LRP1B: variants seen among roughly 807,000 people sequenced by gnomAD.
The protein encoded by LRP1B is LDL receptor related protein 1B.
LRP1B carries 217 observed loss-of-function variants against 556.6 expected under a neutral mutation model. That is an observed-to-expected ratio of 0.39 (90% confidence interval 0.35 to 0.44). The LOEUF is 0.44. Among genes scored for constraint, LRP1B ranks in the 20% least tolerant of loss-of-function variants. The pLI is 1.00. For synonymous variants in LRP1B, 2,047 were observed against 1,865.8 expected (o/e 1.10, Z -2.50); for missense variants, 5,053 against 5,620.8 (o/e 0.90, Z 3.23).
intron 3 of LRP1B, among the ~76,000 whole-genome samples, chr2:141,456,682 C>T (rs1021941373): frequency 1.3e-5 from 2 of 152,134 alleles, no homozygotes; most frequent in Non-Finnish European, 2.9e-5. Context: ...AGAAATCTTC[C>T]TAGAGTTAAA....
At chr2:141,352,692 T>A (rs1023050069) in intron 3 of LRP1B, among the ~76,000 whole-genome samples, 1 of 151,968 alleles carries the variant, frequency 6.6e-6, no homozygotes, top group South Asian at 2.1e-4. Flanking sequence ...TATAAGATAA[T>A]GATTGTTACA....
intron 14 of LRP1B, among the ~76,000 whole-genome samples, chr2:141,007,479 A>C (rs1036098538): frequency 6.7e-6 from 1 of 150,222 alleles, no homozygotes; most frequent in African/African-American, 2.4e-5. Context: ...GAGGGTAATT[A>C]AGCCTAATAC....
At chr2:140,370,897 T>C in intron 70 of LRP1B, 55 bp from the exon 71 acceptor site, 2 of 1,579,902 alleles carry the variant, frequency 1.3e-6, no homozygotes, top group African/African-American at 1.3e-5. Flanking sequence ...GATACAATCA[T>C]GGGCAAAATA....
At chr2:140,657,792 C>A (rs998587778) in intron 41 of LRP1B, among the ~76,000 whole-genome samples, 1 of 151,370 alleles carries the variant, frequency 6.6e-6, no homozygotes, top group Non-Finnish European at 1.5e-5. Context: ...AACAAAAGAG[C>A]CTTTATCTCT....
intron 35 of LRP1B, among the ~76,000 whole-genome samples, chr2:140,719,589 G>C (rs562925995): frequency 4.0e-5 from 6 of 151,874 alleles, no homozygotes; most frequent in Non-Finnish European, 8.8e-5. Flanking sequence ...CCTAGAACTA[G>C]ACCATTAAAT....
chr2:140,720,013 AG>A (rs1687346153), intron 35 of LRP1B, among the ~76,000 whole-genome samples: 2 of 152,106 alleles, frequency 1.3e-5, no homozygotes, highest in East Asian at 3.8e-4. Flanking sequence ...GAAAAGAATC[AG>A]GTTGAAGGAG....
intron 41 of LRP1B, among the ~76,000 whole-genome samples, chr2:140,682,964 T>A (rs1029422805): frequency 1.3e-5 from 2 of 152,136 alleles, no homozygotes; most frequent in African/African-American, 4.8e-5. Flanking sequence ...ATATGCAAAT[T>A]ACACAGAAAG....
At chr2:141,844,863 A>G (rs979969521) in intron 1 of LRP1B, among the ~76,000 whole-genome samples, 2 of 151,856 alleles carry the variant, frequency 1.3e-5, no homozygotes, top group Non-Finnish European at 2.9e-5. Flanking sequence ...AGCATTGTCT[A>G]AAAGCATTTG....
chr2:141,529,015 T>C (rs934094129), intron 2 of LRP1B, among the ~76,000 whole-genome samples: 2 of 152,208 alleles, frequency 1.3e-5, no homozygotes, highest in Non-Finnish European at 2.9e-5. Flanking sequence ...TATAATGTTT[T>C]ACATTCTGTG....
Position 140,777,417 on chromosome 2 carries a change from G to A in LRP1B, c.5360-1179C>T, listed in dbSNP as rs561685547. Among the ~76,000 whole-genome samples, 3 of 152,244 alleles carry A rather than the reference G, an allele frequency of 2.0e-5. No individual in the cohort carries two copies. The East Asian group carries it at 5.8e-4, about 29-fold the overall frequency. ...GTTCTCTTCATTCTAGCATTCATGG[G>A]AATCAAATCCTGGCCCCCAGGTCCC... On this transcript the variant is annotated intron_variant, in intron 32 of 90. Coordinates refer to ENST00000389484, the MANE Select transcript of LRP1B (RefSeq NM_018557.3).
At chr2:140,936,113 G>C (rs1324502188) in intron 20 of LRP1B, among the ~76,000 whole-genome samples, 1 of 151,572 alleles carries the variant, frequency 6.6e-6, no homozygotes, top group Non-Finnish European at 1.5e-5. Context: ...GCAGTGATGG[G>C]CAGATCACTT....
intron 1 of LRP1B, among the ~76,000 whole-genome samples, chr2:141,957,935 G>C (rs1574530707): frequency 1.3e-5 from 2 of 151,982 alleles, no homozygotes; most frequent in Non-Finnish European, 2.9e-5. Flanking sequence ...AGAGAAACCT[G>C]ATAATGCTCT....
At chr2:141,193,787 A>AT (rs1391704462) in intron 6 of LRP1B, among the ~76,000 whole-genome samples, 1 of 151,928 alleles carries the variant, frequency 6.6e-6, no homozygotes, top group African/African-American at 2.4e-5. Context: ...AAAAAAAAAT[A>AT]AAAATAAAAG....
intron 37 of LRP1B, among the ~76,000 whole-genome samples, chr2:140,710,685 G>C (rs887134859): frequency 6.6e-6 from 1 of 151,912 alleles, no homozygotes; most frequent in Admixed American, 6.6e-5. Flanking sequence ...AAAATGCAGG[G>C]TCAGAGAAGG....
At chr2:140,272,511 T>C (rs954468739) in intron 85 of LRP1B, among the ~76,000 whole-genome samples, 10 of 152,022 alleles carry the variant, frequency 6.6e-5, no homozygotes, top group Non-Finnish European at 1.5e-4. Context: ...ATAGAGTACC[T>C]GTTCTACTTA....
chr2:140,688,024 C>A (rs1176768367), intron 41 of LRP1B, among the ~76,000 whole-genome samples: 1 of 152,076 alleles, frequency 6.6e-6, no homozygotes, highest in Non-Finnish European at 1.5e-5. Flanking sequence ...TGTACACTGT[C>A]TTTTATTACT....
At chr2:141,573,237 T>C (rs1341845421) in intron 2 of LRP1B, among the ~76,000 whole-genome samples, 1 of 151,608 alleles carries the variant, frequency 6.6e-6, no homozygotes, top group Non-Finnish European at 1.5e-5. Context: ...ACTGAAATCA[T>C]AACAGTCTCT....
chr2:141,657,435 C>T (rs1303616699), intron 2 of LRP1B, among the ~76,000 whole-genome samples: 1 of 151,712 alleles, frequency 6.6e-6, no homozygotes, highest in African/African-American at 2.4e-5. Flanking sequence ...ATAAAGAGTC[C>T]CTATTATGAA....
At chr2:141,405,058 A>C (rs1018807437) in intron 3 of LRP1B, among the ~76,000 whole-genome samples, 4 of 152,074 alleles carry the variant, frequency 2.6e-5, no homozygotes, top group African/African-American at 9.7e-5. Flanking sequence ...GCACTACTGC[A>C]CTCCAGCCTG....
Sources: gnomAD v4.1 joint callset for allele counts (sites outside exome capture counted in the v4.1 genomes callset) on GRCh38, gnomAD v4.1.1 for gene constraint, MANE v1.5 for transcripts, NCBI Gene and HGNC (gene_info 2026-07-23, HGNC 2026-07-21) for gene names.